The following NWD1 variants were observed in gnomAD, a reference collection of about 807,000 sequenced individuals.
The protein encoded by NWD1 is NACHT domain- and WD repeat-containing protein 1.
A neutral mutation model predicts 135.1 loss-of-function variants in NWD1; 129 were observed. That is an observed-to-expected ratio of 0.96 (90% CI 0.83 to 1.11). The LOEUF is 1.11. Ranked by LOEUF, NWD1 falls within the 50% of genes least tolerant of loss-of-function variation. The pLI is 0.00. For synonymous variants in NWD1, 773 were observed against 786.0 expected, an observed-to-expected ratio of 0.98 and a Z score of 0.28; for missense variants, 1,740 against 1,851.3, an observed-to-expected ratio of 0.94 and a Z score of 1.10.
chr19:16,745,327 A>T (rs925201591), intron 5 of NWD1, among the ~76,000 whole-genome samples: 5 of 152,050 alleles, frequency 3.3e-5, no homozygotes, highest in Admixed American at 6.6e-5. Flanking sequence ...TCAAGATGAG[A>T]TTTGGGTGAA....
intron 12 of NWD1, among the ~76,000 whole-genome samples, chr19:16,788,096 G>A (rs570921187): frequency 6.7e-6 from 1 of 148,168 alleles, no homozygotes; most frequent in African/African-American, 2.5e-5. Context: ...CAAGTGTGGT[G>A]GTGGGCACCT....
intron 6 of NWD1, among the ~76,000 whole-genome samples, chr19:16,757,956 G>A (rs1968859795): frequency 6.6e-6 from 1 of 152,106 alleles, no homozygotes; most frequent in South Asian, 2.1e-4. Context: ...GGAGGCTGAG[G>A]CAGGAGAATC....
At chr19:16,755,910 G>A (rs897780836) in intron 6 of NWD1, among the ~76,000 whole-genome samples, 12 of 152,184 alleles carry the variant, frequency 7.9e-5, no homozygotes, top group African/African-American at 1.2e-4. Flanking sequence ...GTCTCCCAAC[G>A]TACCTCAAAA....
At chr19:16,812,699 C>A (rs747367214) in intron 18 of NWD1, 19 of 779,064 alleles carry the variant, frequency 2.4e-5, no homozygotes, top group East Asian at 1.7e-4. Context: ...AACAAACAAA[C>A]AAAAAACCCA....
At chr19:16,748,334 CT>C (rs1968408216) in intron 5 of NWD1, among the ~76,000 whole-genome samples, 1 of 152,030 alleles carries the variant, frequency 6.6e-6, no homozygotes, top group African/African-American at 2.4e-5. Context: ...GTGAATGGTG[CT>C]GTTACAAGCT....
At chr19:16,766,016 C>CAAAAAAAAAAAA (rs35265751) in intron 10 of NWD1, among the ~76,000 whole-genome samples, 5 of 91,772 alleles carry the variant, frequency 5.4e-5, no homozygotes, top group Non-Finnish European at 7.7e-5. Flanking sequence ...GACTCCGTCT[C>CAAAAAAAAAAAA]AAAAAAAAAA....
intron 9 of NWD1, 58 bp downstream of exon 9, chr19:16,764,003 C>T: frequency 9.8e-7 from 1 of 1,018,336 alleles, no homozygotes; most frequent in Non-Finnish European, 1.6e-6. Context: ...ACGCTCCAGT[C>T]TTCTAGAGCC....
intron 10 of NWD1, among the ~76,000 whole-genome samples, chr19:16,767,380 C>T (rs1019015431): frequency 3.3e-5 from 5 of 151,868 alleles, no homozygotes; most frequent in Admixed American, 6.6e-5. Flanking sequence ...TTTGGGAGGC[C>T]GAGGCAGGCA....
At chr19:16,812,821 G>C in intron 18 of NWD1, 1 of 781,046 alleles carries the variant, frequency 1.3e-6, no homozygotes, top group African/African-American at 1.7e-5. Context: ...TTAAAGGATC[G>C]CTCTATACTT....
In NWD1 at chr19:16,765,128, T is replaced by A; in HGVS notation, c.2346T>A (p.Pro782=). Residue 782 remains proline, a synonymous_variant, in exon 10 of 19, where the codon CCT becomes CCA. Transcript: ENST00000524140. ...FDLCAPHLDS[P]EVGLVREALQ... ...TGTGTGCCCCTCACCTGGACTCCCCTGAGGTTGGCCTGGTCCGTGAAGCCC... is the reference window on the plus strand; with the variant it reads ...TGTGTGCCCCTCACCTGGACTCCCCAGAGGTTGGCCTGGTCCGTGAAGCCC... The A allele has an allele frequency of 6.2e-7, 1 of 1,613,924 alleles. No individual in the cohort carries two copies. The highest frequency in any genetic ancestry group is 2.2e-5 in the East Asian group (1 of 44,882).
Position 16,812,866 on chromosome 19 carries a change from T to A in NWD1, c.4288-2162T>A. The A allele has an allele frequency of 5.1e-6, 4 of 780,858 alleles. No homozygotes were observed. The East Asian group carries it at 9.7e-5, about 19-fold the overall frequency. The allele number at this position is 780,858 out of a possible 1,614,324, so 48.4% of individuals were successfully genotyped here. A position where few individuals can be genotyped will look rare whatever the true frequency, so the allele number is the denominator to read the frequency against. On this transcript the variant is annotated intron_variant, in intron 18 of 18. Transcript: ENST00000524140. ...GTGCTGGATGGTGAGTCATTTTGCT[T>A]TTAGGGCAGGATTGAGCTTCGATCT...
chr19:16,750,623 A>G (rs1053996773), intron 6 of NWD1, among the ~76,000 whole-genome samples: 3 of 149,542 alleles, frequency 2.0e-5, no homozygotes, highest in African/African-American at 7.4e-5. Context: ...CCAGCAAAAT[A>G]TAATTTTTTT....
In NWD1 at chr19:16,765,020, CT is replaced by C. The variant is rs779987903; in HGVS notation, c.2252-12del. On this transcript the variant is annotated splice_polypyrimidine_tract_variant and intron_variant, in intron 9 of 18. Coordinates refer to ENST00000524140, the MANE Select transcript of NWD1 (RefSeq NM_001007525.5). ...GTAGGCACTTCCCACATCCTCCCCC[CT>C]TCTCTCCCTCAGGCAGCATGAGCTG... 5.6e-6 allele frequency: 9 copies of C among 1,613,706 alleles called. No individual in the cohort carries two copies. In the Admixed American group the frequency reaches 1.5e-4, roughly 27 times the overall value.
chr19:16,771,134 TG>T (rs1969397683), intron 10 of NWD1, among the ~76,000 whole-genome samples: 1 of 151,996 alleles, frequency 6.6e-6, no homozygotes, highest in South Asian at 2.1e-4. Flanking sequence ...ACCCTATCTC[TG>T]TAAAAAAAAA....
chr19:16,757,345 C>T (rs1292595463), intron 6 of NWD1, among the ~76,000 whole-genome samples: 2 of 152,136 alleles, frequency 1.3e-5, no homozygotes, highest in Admixed American at 1.3e-4. Flanking sequence ...CTCTGGGAGC[C>T]TCACTTCCTC....
intron 11 of NWD1, among the ~76,000 whole-genome samples, chr19:16,776,170 G>A (rs1969592660): frequency 6.6e-6 from 1 of 152,154 alleles, no homozygotes; most frequent in Admixed American, 6.6e-5. Context: ...CTGGGGCAGG[G>A]AAATGTTCTG....
At chr19:16,732,949 C>T (rs1967640451) in intron 3 of NWD1, among the ~76,000 whole-genome samples, 1 of 152,126 alleles carries the variant, frequency 6.6e-6, no homozygotes, top group African/African-American at 2.4e-5. Flanking sequence ...AGGCCGGGCA[C>T]AGTGGCTAAC....
At chr19:16,778,700 G>T (rs1028526361) in intron 11 of NWD1, among the ~76,000 whole-genome samples, 1 of 151,894 alleles carries the variant, frequency 6.6e-6, no homozygotes, top group Middle Eastern at 3.2e-3. Context: ...GTAGAGACTG[G>T]GTTTCTCCAT....
chr19:16,791,119 AG>A, intron 13 of NWD1, among the ~76,000 whole-genome samples: 1 of 152,226 alleles, frequency 6.6e-6, no homozygotes, highest in South Asian at 2.1e-4. Context: ...CTGTGGTCCC[AG>A]CTTCTTGGGA....
Sources: gnomAD v4.1 joint callset for allele counts (sites outside exome capture counted in the v4.1 genomes callset) on GRCh38, gnomAD v4.1.1 for gene constraint, MANE v1.5 for transcripts, NCBI Gene and HGNC (gene_info 2026-07-23, HGNC 2026-07-21) for gene names.